Variants in CTNNA2 observed in about 807,000 individuals in gnomAD.
CTNNA2 encodes the protein catenin alpha-2.
A neutral mutation model predicts 101.0 loss-of-function variants in CTNNA2; 42 were observed. That is an observed-to-expected ratio of 0.42 (90% confidence interval 0.32 to 0.54). The LOEUF (loss-of-function observed/expected upper bound fraction) is 0.54. Among genes scored for constraint, CTNNA2 ranks in the 20% least tolerant of loss-of-function variants. The pLI is 0.14. For synonymous variants in CTNNA2, 450 were observed against 456.4 expected (o/e 0.99, Z 0.18); for missense variants, 871 against 1,223.1 (o/e 0.71, Z 4.29).
At chr2:80,259,981 G>A (rs540670087) in intron 7 of CTNNA2, among the ~76,000 whole-genome samples, 1 of 152,266 alleles carries the variant, frequency 6.6e-6, no homozygotes, top group African/African-American at 2.4e-5. Context: ...CTGCCACCTC[G>A]TGAGCCCTTA....
intron 7 of CTNNA2, among the ~76,000 whole-genome samples, chr2:80,021,764 A>G (rs1053058123): frequency 3.9e-5 from 6 of 152,254 alleles, no homozygotes; most frequent in African/African-American, 1.4e-4. Flanking sequence ...GCAATTTTCA[A>G]GTATACAATA....
At chr2:79,374,540 C>T (rs1322621857) in intron 4 of CTNNA2, among the ~76,000 whole-genome samples, 7 of 151,656 alleles carry the variant, frequency 4.6e-5, no homozygotes, top group Non-Finnish European at 8.8e-5. Flanking sequence ...TGTGCTTCTT[C>T]GGTTTTACAT....
At chr2:79,704,392 AC>A (rs1457943907) in intron 2 of CTNNA2, among the ~76,000 whole-genome samples, 5 of 152,012 alleles carry the variant, frequency 3.3e-5, no homozygotes, top group Non-Finnish European at 7.4e-5. Flanking sequence ...TCGATGTTAA[AC>A]TTTTTTGTGC....
At chr2:79,998,968 C>T (rs933815707) in intron 7 of CTNNA2, among the ~76,000 whole-genome samples, 2 of 152,092 alleles carry the variant, frequency 1.3e-5, no homozygotes, top group African/African-American at 4.8e-5. Context: ...AGGGTACATA[C>T]TCACTAGGAC....
intron 7 of CTNNA2, among the ~76,000 whole-genome samples, chr2:80,061,116 G>A (rs2104378686): frequency 6.6e-6 from 1 of 152,192 alleles, no homozygotes; most frequent in Admixed American, 6.5e-5. Flanking sequence ...CTCTATTTCA[G>A]AGTATGTTTC....
At chr2:79,955,159 C>T (rs1010576487) in intron 7 of CTNNA2, among the ~76,000 whole-genome samples, 19 of 152,256 alleles carry the variant, frequency 1.2e-4, no homozygotes, top group South Asian at 2.1e-4. Flanking sequence ...AGCAGTATGA[C>T]GTATTAAATA....
At chr2:79,342,773 C>T (rs1677166672) in intron 3 of CTNNA2, among the ~76,000 whole-genome samples, 2 of 152,164 alleles carry the variant, frequency 1.3e-5, no homozygotes, top group African/African-American at 4.8e-5. Flanking sequence ...TGCAAATTTA[C>T]TTCAAAAATC....
intron 3 of CTNNA2, among the ~76,000 whole-genome samples, chr2:79,798,668 G>T (rs991361273): frequency 3.3e-5 from 5 of 150,176 alleles, no homozygotes; most frequent in Admixed American, 2.0e-4. Flanking sequence ...CTTCGAAGAT[G>T]ACTCAAAAGA....
chr2:80,139,895 A>C (rs1484756545), intron 7 of CTNNA2, among the ~76,000 whole-genome samples: 1 of 152,110 alleles, frequency 6.6e-6, no homozygotes, highest in Non-Finnish European at 1.5e-5. Context: ...AGCCCAAAGC[A>C]AAAAAAGCCT....
At chr2:79,200,628 T>C (rs1674022005) in intron 2 of CTNNA2, among the ~76,000 whole-genome samples, 1 of 152,028 alleles carries the variant, frequency 6.6e-6, no homozygotes, top group African/African-American at 2.4e-5. Context: ...CAGAAGTAAA[T>C]GAAGGAAACA....
chr2:79,230,203 G>A (rs1399569327), intron 2 of CTNNA2, among the ~76,000 whole-genome samples: 1 of 152,204 alleles, frequency 6.6e-6, no homozygotes, highest in African/African-American at 2.4e-5. Flanking sequence ...CATGTCAGAG[G>A]TTTTCACCAG....
chr2:80,006,181 CAAAT>C (rs919624579), intron 7 of CTNNA2, among the ~76,000 whole-genome samples: 2 of 151,942 alleles, frequency 1.3e-5, no homozygotes, highest in African/African-American at 2.4e-5. Flanking sequence ...TTTGAAGAGA[CAAAT>C]ATGTTTTAAC....
intron 2 of CTNNA2, among the ~76,000 whole-genome samples, chr2:79,272,174 G>A (rs114350665): frequency 6.6e-6 from 1 of 151,888 alleles, no homozygotes; most frequent in African/African-American, 2.4e-5. Flanking sequence ...AATCACTTAA[G>A]GTAGACAACT....
chr2:79,529,218 G>A (rs1672595564), intron 1 of CTNNA2, among the ~76,000 whole-genome samples: 1 of 152,136 alleles, frequency 6.6e-6, no homozygotes, highest in African/African-American at 2.4e-5. Flanking sequence ...GAAGGTGGTA[G>A]GGAAGGAGAC....
At chr2:80,393,396 C>A in intron 8 of CTNNA2, 105 bp downstream of exon 8, 2 of 796,864 alleles carry the variant, frequency 2.5e-6, no homozygotes, top group South Asian at 1.8e-5. Flanking sequence ...GGTTGTTATT[C>A]TTTATAACAT....
At chr2:80,026,895 T>C (rs1021094366) in intron 7 of CTNNA2, among the ~76,000 whole-genome samples, 6 of 152,220 alleles carry the variant, frequency 3.9e-5, no homozygotes, top group African/African-American at 9.6e-5. Context: ...GTCCCTACTA[T>C]GTATTTGACA....
intron 2 of CTNNA2, among the ~76,000 whole-genome samples, chr2:79,729,094 C>G (rs180804289): frequency 6.6e-6 from 1 of 152,178 alleles, no homozygotes; most frequent in East Asian, 1.9e-4. Flanking sequence ...TTTGAAGTAA[C>G]TTAAGGATAA....
intron 2 of CTNNA2, among the ~76,000 whole-genome samples, chr2:79,716,121 A>C (rs2104835666): frequency 6.6e-6 from 1 of 152,264 alleles, no homozygotes; most frequent in East Asian, 1.9e-4. Context: ...AATTAAGAAC[A>C]AAATTGGGTG....
intron 1 of CTNNA2, among the ~76,000 whole-genome samples, chr2:79,532,160 C>CT (rs1486696942): frequency 6.6e-6 from 1 of 152,024 alleles, no homozygotes; most frequent in Non-Finnish European, 1.5e-5. Context: ...TTCTGTTCCA[C>CT]TTTTTTTAAA....
Sources: gnomAD v4.1 joint callset for allele counts (sites outside exome capture counted in the v4.1 genomes callset) on GRCh38, gnomAD v4.1.1 for gene constraint, MANE v1.5 for transcripts, NCBI Gene and HGNC (gene_info 2026-07-23, HGNC 2026-07-21) for gene names.